The following NFX1 variants were observed in gnomAD, a reference collection of about 807,000 sequenced individuals.
The protein encoded by NFX1 is nuclear transcription factor, X-box binding 1.
Under a neutral mutation model 137.2 loss-of-function variants are expected in NFX1, and 69 were observed. The observed-to-expected ratio is 0.50, with a 90% confidence interval of 0.41 to 0.61. The LOEUF (loss-of-function observed/expected upper bound fraction) is 0.61, where lower values mean the gene tolerates loss of function less well. NFX1 is among the 20% of genes least tolerant of loss of function. The pLI is 0.00. For missense variants in NFX1, 1,167 were observed against 1,391.0 expected (o/e 0.84, Z 2.56); for synonymous variants, 495 against 474.1 (o/e 1.04, Z -0.57).
chr9:33,351,310 A>C (rs1409338187), intron 15 of NFX1, among the ~76,000 whole-genome samples: 1 of 151,962 alleles, frequency 6.6e-6, no homozygotes, highest in African/African-American at 2.4e-5. Flanking sequence ...AAATTCAAAA[A>C]TTAGCTGGGC....
At chr9:33,339,711 T>A (rs193295583) in intron 12 of NFX1, among the ~76,000 whole-genome samples, 1 of 152,362 alleles carries the variant, frequency 6.6e-6, no homozygotes, top group Admixed American at 6.5e-5. Flanking sequence ...GCAAATTAGT[T>A]ACTTCCTAGG....
chr9:33,361,641 C>T (rs1273983269), intron 19 of NFX1, among the ~76,000 whole-genome samples: 2 of 151,782 alleles, frequency 1.3e-5, no homozygotes, highest in South Asian at 2.1e-4. Context: ...GGCATGGTTG[C>T]GGGCGCCTGT....
At chr9:33,346,280 C>T (rs1484952732) in intron 14 of NFX1, among the ~76,000 whole-genome samples, 1 of 152,168 alleles carries the variant, frequency 6.6e-6, no homozygotes, top group African/African-American at 2.4e-5. Context: ...AGAACTTCAC[C>T]ATTTGTGAAT....
At chr9:33,296,359 A>C (rs931351063) in intron 2 of NFX1, among the ~76,000 whole-genome samples, 1 of 152,038 alleles carries the variant, frequency 6.6e-6, no homozygotes, top group African/African-American at 2.4e-5. Flanking sequence ...TTGTCTTTGC[A>C]TGGTGTTGCA....
In NFX1 at chr9:33,291,902, CA is replaced by C. The variant is rs977241099; in HGVS notation, c.25+1315del. On this transcript the variant is annotated intron_variant, in intron 1 of 23. Coordinates refer to ENST00000379540, the MANE Select transcript of NFX1 (RefSeq NM_002504.6). ...TGGGCGACAGAGTGTGACTTCGTCT[CA>C]AAAAAAAAAGTTGGAAAACACACTG... 5.4e-5 allele frequency among the ~76,000 whole-genome samples: 8 copies of C among 148,488 alleles called. 1 individual carries two copies. The highest frequency in any genetic ancestry group is 1.2e-4 in the African/African-American group (5 of 40,572).
intron 2 of NFX1, among the ~76,000 whole-genome samples, chr9:33,299,883 C>CA (rs1431757819): frequency 4.6e-5 from 7 of 152,026 alleles, no homozygotes; most frequent in African/African-American, 1.7e-4. Flanking sequence ...TTAAACTGAA[C>CA]AATCAGAAAG....
chr9:33,334,819 C>T (rs867519038), intron 11 of NFX1, among the ~76,000 whole-genome samples: 3 of 152,180 alleles, frequency 2.0e-5, no homozygotes, highest in South Asian at 2.1e-4. Context: ...TTTAGGTTGT[C>T]TCCAGTTTTT....
At chr9:33,299,328 A>G (rs567293636) in intron 2 of NFX1, among the ~76,000 whole-genome samples, 56 of 152,266 alleles carry the variant, frequency 3.7e-4, no homozygotes, top group African/African-American at 1.3e-3. Context: ...ACCATCTCTG[A>G]CAGTTTCTTC....
chr9:33,366,554 G>A (rs1327179211), intron 21 of NFX1, 75 bp from the exon 22 acceptor site: 4 of 1,550,436 alleles, frequency 2.6e-6, no homozygotes, highest in African/African-American at 2.7e-5. Flanking sequence ...TGCAATTCTT[G>A]TGTGGTAAGA....
rs141128443 is a variant in NFX1 at position 33,366,790 on chromosome 9, C to T, written c.3185+16C>T. On this transcript the variant is annotated intron_variant, in intron 22 of 23. Coordinates refer to ENST00000379540, the MANE Select transcript of NFX1 (RefSeq NM_002504.6). ...CTGCCATCAGGTAGGTCAATCCCGCCGTCAGAGGAAGAACTCCTAAGCAGG... is the reference window on the plus strand; with the variant it reads ...CTGCCATCAGGTAGGTCAATCCCGCTGTCAGAGGAAGAACTCCTAAGCAGG... 38,003 of 1,610,440 alleles carry T rather than the reference C, an allele frequency of 0.024. 507 individuals are homozygous for T. Among genetic ancestry groups the T allele is most frequent in the Middle Eastern group, 0.037 (223 of 6,048 alleles).
At chr9:33,307,327 A>T in intron 5 of NFX1, 28 bp downstream of exon 5, 1 of 1,581,148 alleles carries the variant, frequency 6.3e-7, no homozygotes, top group South Asian at 1.1e-5. Flanking sequence ...TTCCGTTGGG[A>T]TTGCTGGTGG....
intron 21 of NFX1, chr9:33,365,873 T>C (rs1450827454): frequency 6.6e-6 from 1 of 152,156 alleles, no homozygotes; most frequent in Non-Finnish European, 1.5e-5. Flanking sequence ...TGGGATAGAC[T>C]CCTTCAGAAG....
rs928064716 is a variant in NFX1 at position 33,367,529 on chromosome 9, GTCC to G, written c.3205_3207del (p.Pro1069del). ...ACTTTTATCAGGGGGAAGTCCGTTT[GTCC>G]TCCTACCACGCTGACAGGTGTGCTT... On this transcript the variant is annotated inframe_deletion, in exon 23 of 24. Transcript: ENST00000379540. The G allele has an allele frequency of 3.1e-6, 5 of 1,613,784 alleles. No individual in the cohort carries two copies. Among genetic ancestry groups the G allele is most frequent in the Non-Finnish European group, 4.2e-6 (5 of 1,179,854 alleles).
intron 15 of NFX1, 88 bp downstream of exon 15, chr9:33,347,205 A>G: frequency 1.0e-6 from 1 of 997,064 alleles, no homozygotes; most frequent in South Asian, 1.5e-5. Flanking sequence ...CGTCTGTCAA[A>G]GTAAATACAC....
At chr9:33,349,113 G>A (rs1021204332) in intron 15 of NFX1, among the ~76,000 whole-genome samples, 2 of 151,886 alleles carry the variant, frequency 1.3e-5, no homozygotes, top group African/African-American at 2.4e-5. Context: ...TGTTATCTTC[G>A]TACTGATGGC....
rs192452288 is a variant in NFX1, at chr9:33,302,805, G to A, written c.1193-386G>A. Among the ~76,000 whole-genome samples, 1,053 of 152,028 alleles carry A rather than the reference G, an allele frequency of 6.9e-3. 4 individuals carry two copies. Among genetic ancestry groups the A allele is most frequent in the South Asian group, 0.013 (62 of 4,806 alleles). The stretch of plus-strand genomic sequence containing the variant: ...CTGCCTCAGCCTCCTGAGTAGCTGG[G>A]ATTACAGGCGCGCACCACCACGCCC... On this transcript the variant is annotated intron_variant, in intron 3 of 23. Transcript: ENST00000379540.
intron 21 of NFX1, chr9:33,365,885 G>A (rs949138823): frequency 1.3e-5 from 2 of 152,226 alleles, no homozygotes; most frequent in African/African-American, 4.8e-5. Flanking sequence ...CTTCAGAAGA[G>A]GGAGACCCCT....
intron 19 of NFX1, among the ~76,000 whole-genome samples, chr9:33,361,034 A>G (rs1453879596): frequency 6.6e-6 from 1 of 152,206 alleles, no homozygotes; most frequent in African/African-American, 2.4e-5. Context: ...GAGACCACTT[A>G]CTCCACATTG....
At chr9:33,364,899 A>G in intron 21 of NFX1, 125 bp downstream of exon 21, 1 of 1,505,476 alleles carries the variant, frequency 6.6e-7, no homozygotes, top group Non-Finnish European at 8.9e-7. Flanking sequence ...AACTTCTTTG[A>G]GGATCCTTAT....
Sources: gnomAD v4.1 joint callset for allele counts (sites outside exome capture counted in the v4.1 genomes callset) on GRCh38, gnomAD v4.1.1 for gene constraint, MANE v1.5 for transcripts, NCBI Gene and HGNC (gene_info 2026-07-23, HGNC 2026-07-21) for gene names.